Variants in ATP9B observed in about 807,000 individuals in gnomAD.
ATP9B encodes probable phospholipid-transporting ATPase IIB.
ATP9B carries 110 observed loss-of-function variants against 146.1 expected under a neutral mutation model. That is an observed-to-expected ratio of 0.75 (90% CI 0.65 to 0.88). ATP9B has a LOEUF of 0.88. Ranked by LOEUF, ATP9B falls within the 40% of genes least tolerant of loss-of-function variation. The probability of loss-of-function intolerance (pLI) is 0.00; values close to 1 mark genes in which losing one functional copy is unlikely to be tolerated. For synonymous variants in ATP9B, 604 were observed against 569.7 expected (o/e 1.06, Z -0.86); for missense variants, 1,499 against 1,496.4 (o/e 1.00, Z -0.03).
chr18:79,230,812 C>T (rs2095783818), intron 11 of ATP9B, among the ~76,000 whole-genome samples: 3 of 152,020 alleles, frequency 2.0e-5, no homozygotes, highest in Admixed American at 2.0e-4. Context: ...GGTATAAAAA[C>T]AGGCATATAG....
In ATP9B at chr18:79,348,148, T is replaced by C; in HGVS notation, c.2855T>C (p.Val952Ala). The C allele has an allele frequency of 6.2e-7, 1 of 1,613,086 alleles. No homozygotes were observed. The highest frequency in any genetic ancestry group is 8.5e-7 in the Non-Finnish European group (1 of 1,179,932). The stretch of plus-strand genomic sequence containing the variant: ...TCTCTCCAGGCTGTGTTTTCCTCAG[T>C]CTTCTACTTCGCATCCGTCCCTTTG... ...ISTMQAVFSSVFYFASVPLYQ... is the reference protein window; with the variant it reads ...ISTMQAVFSSAFYFASVPLYQ... Residue 952 changes from valine to alanine, a missense_variant, in exon 25 of 30, where the codon GTC becomes GCC. By Grantham distance (64) the Val-to-Ala change is moderately conservative. Transcript: ENST00000426216.
At chr18:79,315,663 T>C (rs1419555443) in intron 15 of ATP9B, among the ~76,000 whole-genome samples, 1 of 152,252 alleles carries the variant, frequency 6.6e-6, no homozygotes, top group Non-Finnish European at 1.5e-5. Context: ...AATGGAATTA[T>C]AGAGAATTAT....
At chr18:79,207,205 C>A (rs1263798049) in intron 10 of ATP9B, among the ~76,000 whole-genome samples, 193 bp downstream of exon 10, 1 of 152,212 alleles carries the variant, frequency 6.6e-6, no homozygotes, top group Admixed American at 6.5e-5. Context: ...TCCTCAGACA[C>A]TGCACGTGGT....
intron 9 of ATP9B, among the ~76,000 whole-genome samples, chr18:79,203,613 T>TA (rs1468323998): frequency 6.6e-6 from 1 of 151,506 alleles, no homozygotes; most frequent in Non-Finnish European, 1.5e-5. Flanking sequence ...ACCCATAAAA[T>TA]ATGGGATTAG....
At chr18:79,304,736 C>T (rs2096611431) in intron 14 of ATP9B, among the ~76,000 whole-genome samples, 2 of 152,118 alleles carry the variant, frequency 1.3e-5, no homozygotes, top group Non-Finnish European at 1.5e-5. Context: ...AGGAGTGTTT[C>T]CTTGTCATTC....
chr18:79,342,953 G>C (rs2096867216), intron 20 of ATP9B, among the ~76,000 whole-genome samples: 1 of 152,148 alleles, frequency 6.6e-6, no homozygotes, highest in South Asian at 2.1e-4. Context: ...AAAATTAATA[G>C]AAATGATCTA....
chr18:79,340,546 T>C (rs1467495168), intron 19 of ATP9B: 1 of 152,188 alleles, frequency 6.6e-6, no homozygotes, highest in Non-Finnish European at 1.5e-5. Context: ...CAGTACACTG[T>C]AGAAGTTTTT....
At chr18:79,327,553 T>C in intron 15 of ATP9B, among the ~76,000 whole-genome samples, 1 of 130,392 alleles carries the variant, frequency 7.7e-6, no homozygotes, top group Admixed American at 7.6e-5. Context: ...TCTCCGTGGT[T>C]AGCGTGCTCT....
At chr18:79,230,858 CCAAATACTTATAGT>C (rs1167621081) in intron 11 of ATP9B, among the ~76,000 whole-genome samples, 1 of 152,112 alleles carries the variant, frequency 6.6e-6, no homozygotes, top group Non-Finnish European at 1.5e-5. Flanking sequence ...AGAAATAAAG[CCAAATACTTATAGT>C]CAACTGATAT....
chr18:79,201,019 G>A (rs755711095), intron 9 of ATP9B, among the ~76,000 whole-genome samples: 6 of 152,212 alleles, frequency 3.9e-5, no homozygotes, highest in African/African-American at 1.4e-4. Context: ...TGAGGCACAA[G>A]ACGTGTGCTG....
At chr18:79,344,990 A>C (rs1263719321) in intron 21 of ATP9B, among the ~76,000 whole-genome samples, 3 of 152,206 alleles carry the variant, frequency 2.0e-5, no homozygotes. Context: ...CCTGGGCTTA[A>C]TCGTCCTGGA....
rs566982545 is a variant in ATP9B, at chr18:79,125,009, A to C, written c.559-1258A>C. ...AGGAAGCCAAGGGATGGGGAATTGG[A>C]AAGAGGGCCTGGTGAACAATTGGAA... is the stretch of plus-strand genomic sequence containing the variant. On this transcript the variant is annotated intron_variant, in intron 4 of 29. Coordinates refer to ENST00000426216, the MANE Select transcript of ATP9B (RefSeq NM_198531.5). Among the ~76,000 whole-genome samples, 19 of 152,268 alleles carry C rather than the reference A, an allele frequency of 1.2e-4. No homozygotes were observed. In the South Asian group the frequency reaches 3.9e-3, roughly 32 times the overall value.
chr18:79,273,337 T>C (rs933450831), intron 12 of ATP9B, among the ~76,000 whole-genome samples: 2 of 151,590 alleles, frequency 1.3e-5, no homozygotes, highest in African/African-American at 4.9e-5. Flanking sequence ...CCAGGGAGAG[T>C]GTTTGGGCGC....
In ATP9B at chr18:79,080,006, A is replaced by G. The variant is rs144022973; in HGVS notation, c.119+10477A>G. Among the ~76,000 whole-genome samples, 204 of 152,288 alleles carry G rather than the reference A, an allele frequency of 1.3e-3. 2 individuals carry two copies. Among genetic ancestry groups the G allele is most frequent in the African/African-American group, 4.9e-3 (202 of 41,558 alleles). On this transcript the variant is annotated intron_variant, in intron 1 of 29. Coordinates refer to ENST00000426216, the MANE Select transcript of ATP9B (RefSeq NM_198531.5). Reference sequence around the variant, plus strand: ...CCTCTTTTCTGTTACATTGGTCTATAACTCTGTTTTGGTACCAGTACTATA... The same window carrying G: ...CCTCTTTTCTGTTACATTGGTCTATGACTCTGTTTTGGTACCAGTACTATA...
At chr18:79,238,596 C>G (rs886692492) in intron 11 of ATP9B, among the ~76,000 whole-genome samples, 6 of 152,322 alleles carry the variant, frequency 3.9e-5, no homozygotes, top group Non-Finnish European at 7.3e-5. Flanking sequence ...CAGCCCCGTT[C>G]TGCGCTCTCC....
At chr18:79,307,638 C>T (rs1414002414) in intron 15 of ATP9B, among the ~76,000 whole-genome samples, 1 of 152,152 alleles carries the variant, frequency 6.6e-6, no homozygotes, top group African/African-American at 2.4e-5. Flanking sequence ...TATTAAATTT[C>T]CACATATTTT....
chr18:79,312,062 C>G (rs957132203), intron 15 of ATP9B, among the ~76,000 whole-genome samples: 3 of 152,210 alleles, frequency 2.0e-5, no homozygotes, highest in Admixed American at 2.0e-4. Context: ...TCCCTCCAGT[C>G]ATTCCCATGC....
At chr18:79,183,237 T>C (rs2095269663) in intron 8 of ATP9B, among the ~76,000 whole-genome samples, 1 of 152,194 alleles carries the variant, frequency 6.6e-6, no homozygotes, top group African/African-American at 2.4e-5. Flanking sequence ...TGACCTGATA[T>C]TGGTAAATTT....
intron 7 of ATP9B, among the ~76,000 whole-genome samples, chr18:79,170,282 T>C (rs1165983708): frequency 6.6e-6 from 1 of 152,198 alleles, no homozygotes; most frequent in Admixed American, 6.5e-5. Flanking sequence ...AATTGATGAA[T>C]GGGAGCACAC....
Sources: gnomAD v4.1 joint callset for allele counts (sites outside exome capture counted in the v4.1 genomes callset) on GRCh38, gnomAD v4.1.1 for gene constraint, MANE v1.5 for transcripts, NCBI Gene and HGNC (gene_info 2026-07-23, HGNC 2026-07-21) for gene names.